RANBP2: variants seen among roughly 807,000 people sequenced by gnomAD.
RANBP2 encodes RAN binding protein 2.
RANBP2 carries 57 observed loss-of-function variants against 303.6 expected under a neutral mutation model. The ratio of observed to expected loss-of-function variants is 0.19; its 90% CI spans 0.15 to 0.23. The LOEUF is 0.23. Among genes scored for constraint, RANBP2 ranks in the 10% least tolerant of loss-of-function variants. RANBP2 has a pLI of 1.00. For missense variants in RANBP2, 3,138 were observed against 3,780.8 expected (o/e 0.83, Z 4.46); for synonymous variants, 1,167 against 1,301.5 (o/e 0.90, Z 2.23).
At chr2:109,726,058 G>GGTGTGTGTGTGTGT in the RANBP2 span, among the ~76,000 whole-genome samples, 237 of 137,080 alleles carry the variant, frequency 1.7e-3, 2 homozygotes, top group East Asian at 4.1e-3. Context: ...TTTTGCTTTT[G>GGTGTGTGTGTGTGT]GTGTGTGTGT....
At chr2:109,573,498 A>G in the RANBP2 span, among the ~76,000 whole-genome samples, 1 of 152,230 alleles carries the variant, frequency 6.6e-6, no homozygotes, top group Admixed American at 6.5e-5. Context: ...TATAAGCTAC[A>G]TCAATTTTTG....
the RANBP2 span, among the ~76,000 whole-genome samples, chr2:109,138,786 A>G: frequency 6.6e-6 from 1 of 152,248 alleles, no homozygotes; most frequent in South Asian, 2.1e-4. Context: ...AGACTGGCCC[A>G]GAACGAGTGA....
chr2:109,129,019 T>A, the RANBP2 span: 1 of 420,320 alleles, frequency 2.4e-6, no homozygotes, highest in South Asian at 1.7e-5. Flanking sequence ...ACGGTCCTGC[T>A]GAATCCTCTG....
chr2:109,431,631 G>C, the RANBP2 span, among the ~76,000 whole-genome samples: 1 of 152,156 alleles, frequency 6.6e-6, no homozygotes, highest in Non-Finnish European at 1.5e-5. Context: ...CAGCACTTTG[G>C]GAGGCTGAAA....
At chr2:109,042,329 C>A in the RANBP2 span, among the ~76,000 whole-genome samples, 4 of 152,126 alleles carry the variant, frequency 2.6e-5, no homozygotes, top group Non-Finnish European at 5.9e-5. Context: ...TTATGTTTGA[C>A]TTTTTTTCCT....
the RANBP2 span, among the ~76,000 whole-genome samples, chr2:109,299,573 G>A: frequency 6.6e-6 from 1 of 152,144 alleles, no homozygotes; most frequent in African/African-American, 2.4e-5. Flanking sequence ...CATCATCATG[G>A]GGTGACATTT....
the RANBP2 span, among the ~76,000 whole-genome samples, chr2:109,189,403 C>A: frequency 6.7e-6 from 1 of 148,778 alleles, no homozygotes; most frequent in Non-Finnish European, 1.5e-5. Context: ...GACGGAGTCT[C>A]TGTCGCCCAG....
chr2:108,731,275 A>C (rs746603310), intron 3 of RANBP2, 47 bp from the exon 4 acceptor site: 2 of 1,595,102 alleles, frequency 1.3e-6, no homozygotes, highest in Non-Finnish European at 1.7e-6. Flanking sequence ...TCCTACATAC[A>C]TACATACAAT....
At chr2:109,265,696 T>C in the RANBP2 span, among the ~76,000 whole-genome samples, 52 of 152,386 alleles carry the variant, frequency 3.4e-4, no homozygotes, top group African/African-American at 1.2e-3. Context: ...ACAGGTCATC[T>C]GATTATAGTC....
chr2:109,029,444 A>G, the RANBP2 span, among the ~76,000 whole-genome samples: 3,217 of 152,266 alleles, frequency 0.021, 80 homozygotes, highest in East Asian at 0.078. Context: ...GATGTGGCTG[A>G]CACTGATGCC....
chr2:109,092,477 G>A, the RANBP2 span, among the ~76,000 whole-genome samples: 2 of 152,134 alleles, frequency 1.3e-5, no homozygotes, highest in Non-Finnish European at 2.9e-5. Flanking sequence ...ATGTTCATTT[G>A]GTTTCCCATG....
the RANBP2 span, among the ~76,000 whole-genome samples, chr2:109,249,445 A>ATC: frequency 1.3e-4 from 19 of 147,934 alleles, no homozygotes; most frequent in Non-Finnish European, 2.1e-4. Flanking sequence ...CCTGCACCAG[A>ATC]TCTCTCTCTC....
At chr2:109,465,478 C>G in the RANBP2 span, among the ~76,000 whole-genome samples, 1 of 152,186 alleles carries the variant, frequency 6.6e-6, no homozygotes, top group African/African-American at 2.4e-5. Flanking sequence ...GCTTCATATC[C>G]TCACCAGCAT....
At chr2:109,549,948 G>A in the RANBP2 span, among the ~76,000 whole-genome samples, 1 of 152,290 alleles carries the variant, frequency 6.6e-6, no homozygotes, top group South Asian at 2.1e-4. Context: ...TGAGTGTAAA[G>A]GGGGACTACT....
At chr2:109,599,514 G>GGCA in the RANBP2 span, among the ~76,000 whole-genome samples, 1 of 151,236 alleles carries the variant, frequency 6.6e-6, no homozygotes, top group Admixed American at 6.6e-5. Flanking sequence ...AGCAAGATAA[G>GGCA]GCAGCAGCAA....
chr2:109,193,461 G>C, the RANBP2 span, among the ~76,000 whole-genome samples: 1 of 152,198 alleles, frequency 6.6e-6, no homozygotes, highest in Admixed American at 6.5e-5. Flanking sequence ...GGGCAACTCT[G>C]TGGGTCTCCC....
the RANBP2 span, chr2:109,124,375 T>C: frequency 6.6e-6 from 1 of 152,258 alleles, no homozygotes; most frequent in Non-Finnish European, 1.5e-5. Context: ...GGTTTCACCA[T>C]GTTAGTCAGG....
the RANBP2 span, among the ~76,000 whole-genome samples, chr2:109,559,045 C>A: frequency 6.6e-6 from 1 of 152,090 alleles, no homozygotes; most frequent in Non-Finnish European, 1.5e-5. Flanking sequence ...GCCACCACAC[C>A]CGGCTAATTT....
At chr2:109,023,923 T>C in the RANBP2 span, among the ~76,000 whole-genome samples, 1 of 150,726 alleles carries the variant, frequency 6.6e-6, no homozygotes, top group Non-Finnish European at 1.5e-5. Context: ...TATATTTTTA[T>C]TTATTTATTT....
Sources: gnomAD v4.1 joint callset for allele counts (sites outside exome capture counted in the v4.1 genomes callset) on GRCh38, gnomAD v4.1.1 for gene constraint, MANE v1.5 for transcripts, NCBI Gene and HGNC (gene_info 2026-07-23, HGNC 2026-07-21) for gene names.